Variants in PTX4 observed in about 807,000 individuals in gnomAD.
PTX4 encodes pentraxin-4.
PTX4 carries 23 observed loss-of-function variants against 19.1 expected under a neutral mutation model. That is an observed-to-expected ratio of 1.20 (90% CI 0.87 to 1.70). PTX4 has a LOEUF of 1.70. PTX4 is among the 40% of genes most tolerant of loss of function. PTX4 has a pLI of 0.00. For missense variants in PTX4, 678 were observed against 610.5 expected, an observed-to-expected ratio of 1.11 and a Z score of -1.17; for synonymous variants, 317 against 279.6, an observed-to-expected ratio of 1.13 and a Z score of -1.33.
chr16:1,486,490 C>T lies in PTX4; in HGVS notation c.886G>A (p.Ala296Thr), dbSNP rs764405723. Residue 296 changes from alanine to threonine, a missense_variant, in exon 3 of 3, where the codon GCC becomes ACC. Ala to Thr is a moderately conservative substitution (Grantham distance 58, BLOSUM62 0). Transcript: ENST00000447419. The stretch of plus-strand genomic sequence containing the variant: ...CGGACCCAGCTGCAGAAGGACAGGG[C>T]TCGCAGGGCAGTGACGAAACCAGGG... ...LSPGFVTALR[A>T]LSFCSWVRTA... is the part of the protein sequence containing the mutation. 6.2e-7 allele frequency: 1 copy of T among 1,611,550 alleles called. No individual in the cohort carries two copies. The highest frequency in any genetic ancestry group is 8.5e-7 in the Non-Finnish European group (1 of 1,178,906).
chr16:1,486,220 C>T lies in PTX4; in HGVS notation c.1156G>A (p.Gly386Ser), dbSNP rs375257612. 39 of 1,612,358 alleles carry T rather than the reference C, an allele frequency of 2.4e-5. No individual in the cohort carries two copies. In the Middle Eastern group the frequency reaches 4.9e-4, roughly 20 times the overall value. Residue 386 changes from glycine to serine, a missense_variant, in exon 3 of 3, where the codon GGC becomes AGC. By Grantham distance (56) the Gly-to-Ser change is moderately conservative. Coordinates refer to ENST00000447419, the MANE Select transcript of PTX4 (RefSeq NM_001328608.2). ...TCATAGCCCTCCCTGAAGCGGGAGC[C>T]GGTGGCCACCAGCCTGCGATCCACG... ...LHVDRRLVAT[G>S]SRFREGYEIP...
Position 1,486,216 on chromosome 16 carries a change from G to C in PTX4, c.1160C>G (p.Ser387Cys), listed in dbSNP as rs2039243849. 1.9e-6 allele frequency: 3 copies of C among 1,612,760 alleles called. No individual in the cohort carries two copies. In the African/African-American group the frequency reaches 4.0e-5, roughly 21 times the overall value. ...GATCTCATAGCCCTCCCTGAAGCGG[G>C]AGCCGGTGGCCACCAGCCTGCGATC... is the stretch of plus-strand genomic sequence containing the variant. Reference protein sequence around the residue: ...HVDRRLVATGSRFREGYEIPP... With the variant: ...HVDRRLVATGCRFREGYEIPP... Residue 387 changes from serine (S) to cysteine (C), a missense_variant, in exon 3 of 3, where the codon TCC becomes TGC. Coordinates refer to ENST00000447419, the MANE Select transcript of PTX4 (RefSeq NM_001328608.2).
Position 1,487,972 on chromosome 16 carries a change from T to G in PTX4, c.142-2A>C. The G allele has an allele frequency of 6.4e-7, 1 of 1,567,862 alleles. No homozygotes were observed. The highest frequency in any genetic ancestry group is 1.2e-5 in the South Asian group (1 of 85,098). On this transcript the variant is annotated splice_acceptor_variant, in intron 1 of 2. Transcript: ENST00000447419. LOFTEE classifies it high-confidence loss of function. Reference sequence around the variant, plus strand: ...GGTCACCTCCTGGAATCTCCGGAACTGTAAGGAGGACACGGTGATGATGGG... The same window carrying G: ...GGTCACCTCCTGGAATCTCCGGAACGGTAAGGAGGACACGGTGATGATGGG...
intron 2 of PTX4, 140 bp downstream of exon 2, chr16:1,487,175 AC>A (rs370566250): frequency 1.8e-3 from 1,374 of 743,782 alleles, no homozygotes; most frequent in South Asian, 3.4e-3. Flanking sequence ...ACGGTGGGCC[AC>A]CCCCCCCGAT....
At chr16:1,488,349 A>C (rs759441725) in intron 1 of PTX4, 2 of 1,613,544 alleles carry the variant, frequency 1.2e-6, no homozygotes, top group South Asian at 2.2e-5. Flanking sequence ...CACCCAGCGC[A>C]GGCCCGACAG....
Position 1,486,152 on chromosome 16 carries a change from G to C in PTX4, c.1224C>G (p.Asp408Glu), listed in dbSNP as rs2039242629. The C allele has an allele frequency of 6.2e-7, 1 of 1,614,144 alleles. No homozygotes were observed. The highest frequency in any genetic ancestry group is 1.3e-5 in the African/African-American group (1 of 75,060). Residue 408 changes from aspartate to glutamate, a missense_variant, in exon 3 of 3, where the codon GAC (aspartate) becomes GAG (glutamate). Physicochemically the swap from Asp to Glu is conservative, Grantham distance 45. Coordinates refer to ENST00000447419, the MANE Select transcript of PTX4 (RefSeq NM_001328608.2). ...AGCTGTCGAATCCGCCCCCCACGCT[G>C]TCTTGTTCCTGGCCCAGCACGAGGG... The part of the protein sequence containing the change: ...GGSLVLGQEQ[D>E]SVGGGFDSSE...
In PTX4 at chr16:1,486,317, C is replaced by A; in HGVS notation, c.1059G>T (p.Gln353His). Reference sequence around the variant, plus strand: ...GGTGCCACTGGCCGTCCAGCAGCAGCTGCAAGGGCAGCTCCCTGAAGGCCG... The same window carrying A: ...GGTGCCACTGGCCGTCCAGCAGCAGATGCAAGGGCAGCTCCCTGAAGGCCG... ...GDPAFRELPL[Q>H]LLLDGQWHHI... Residue 353 changes from glutamine (Q) to histidine (H), a missense_variant, in exon 3 of 3, where the codon CAG becomes CAT. By Grantham distance (24) the Gln-to-His change is conservative. Transcript: ENST00000447419. 1 of 1,613,774 alleles carries A rather than the reference C, an allele frequency of 6.2e-7. No homozygotes were observed. The highest frequency in any genetic ancestry group is 8.5e-7 in the Non-Finnish European group (1 of 1,179,980).
intron 1 of PTX4, chr16:1,488,281 T>G: frequency 4.4e-6 from 7 of 1,582,722 alleles, no homozygotes; most frequent in Non-Finnish European, 6.0e-6. Flanking sequence ...AGCTCCTGCC[T>G]GTGAGCAGGG....
chr16:1,488,739 C>G, intron 1 of PTX4, 30 bp downstream of exon 1: 1 of 667,932 alleles, frequency 1.5e-6, no homozygotes. Context: ...TTTAAAAACC[C>G]GACTGCGCCA....
Position 1,486,184 on chromosome 16 carries a change from C to T in PTX4, c.1192G>A (p.Gly398Arg), listed in dbSNP as rs200828874. 78 of 1,613,746 alleles carry T rather than the reference C, an allele frequency of 4.8e-5. No homozygotes were observed. In the Middle Eastern group the frequency reaches 8.3e-4, roughly 17 times the overall value. Residue 398 changes from glycine to arginine, a missense_variant, in exon 3 of 3, where the codon GGA (glycine) becomes AGA (arginine). Physicochemically the swap from Gly to Arg is moderately radical, Grantham distance 125. Transcript: ENST00000447419. Reference protein sequence around the residue: ...RFREGYEIPPGGSLVLGQEQD... With the variant: ...RFREGYEIPPRGSLVLGQEQD... Reference sequence around the variant, plus strand: ...TCCTGGCCCAGCACGAGGGACCCTCCGGGGGGGATCTCATAGCCCTCCCTG... The same window carrying T: ...TCCTGGCCCAGCACGAGGGACCCTCTGGGGGGGATCTCATAGCCCTCCCTG...
chr16:1,488,314 T>A (rs749798270), intron 1 of PTX4: 4 of 1,607,540 alleles, frequency 2.5e-6, no homozygotes, highest in Non-Finnish European at 2.6e-6. Flanking sequence ...GCCTCATGAG[T>A]GCTTTACGAG....
rs202194642 is a variant in PTX4 at position 1,486,355 on chromosome 16, C to T, written c.1021G>A (p.Val341Met). 3.8e-5 allele frequency: 61 copies of T among 1,613,932 alleles called. No homozygotes were observed. The East Asian group carries it at 9.8e-4, about 26-fold the overall frequency. Residue 341 changes from valine (V) to methionine (M), a missense_variant, in exon 3 of 3, where the codon GTG (valine) becomes ATG (methionine). Transcript: ENST00000447419. ...TCCCTGAAGGCCGGGTCCCCGATCACGAAGTGGATGGATCCGGGCAGCAGG... is the reference window on the plus strand; with the variant it reads ...TCCCTGAAGGCCGGGTCCCCGATCATGAAGTGGATGGATCCGGGCAGCAGG... The part of the protein sequence containing the change: ...DSLLPGSIHF[V>M]IGDPAFRELP...
In PTX4 at chr16:1,485,954, C is replaced by A; in HGVS notation, c.1422G>T (p.Leu474=). The change falls in exon 3 of 3, where the codon CTG becomes CTT. Residue 474 remains leucine, a synonymous_variant. Transcript: ENST00000447419. ...CGGCTCGGCCTCAGGGACAGCGTTC[C>A]AGGCAGGTGCAGTTGGCCCCCTGCA... ...GFVQGANCTC[L]ERCP 1 of 1,606,664 alleles carries A rather than the reference C, an allele frequency of 6.2e-7. No homozygotes were observed. The highest frequency in any genetic ancestry group is 8.5e-7 in the Non-Finnish European group (1 of 1,178,144).
In PTX4 at chr16:1,487,814, C is replaced by G; in HGVS notation, c.298G>C (p.Glu100Gln). The change falls in exon 2 of 3, where the codon GAG becomes CAG. Residue 100 changes from glutamate (E) to glutamine (Q), a missense_variant. Transcript: ENST00000447419. ...VNRSQASVQG[E>Q]LAQLKAWVRK... The stretch of plus-strand genomic sequence containing the variant: ...ACCCAGGCCTTGAGCTGCGCCAGCT[C>G]CCCCTGCACCGAGGCCTGTGACCGG... 1 of 1,613,104 alleles carries G rather than the reference C, an allele frequency of 6.2e-7. No homozygotes were observed. Among genetic ancestry groups the G allele is most frequent in the Non-Finnish European group, 8.5e-7 (1 of 1,179,918 alleles).
Position 1,488,934 on chromosome 16 carries a change from A to C in PTX4, c.-25T>G, listed in dbSNP as rs1476010902. ...TCCGGAGAGACGGCAAGGCCCCAGC[A>C]GTCTCCCTCCAGCCGCAGGAGAGGG... On this transcript the variant is annotated 5_prime_UTR_variant, in exon 1 of 3. Transcript: ENST00000447419. The C allele has an allele frequency of 1.5e-5, 10 of 683,138 alleles. No homozygotes were observed. The highest frequency in any genetic ancestry group is 1.9e-5 in the Non-Finnish European group (7 of 371,362). 42.3% of individuals were successfully genotyped at this position (683,138 alleles called of 1,614,324 possible). A position where few individuals can be genotyped will look rare whatever the true frequency, so the allele number is the denominator to read the frequency against.
At chr16:1,486,813 G>A (rs920765541) in intron 2 of PTX4, among the ~76,000 whole-genome samples, 1 of 152,190 alleles carries the variant, frequency 6.6e-6, no homozygotes, top group African/African-American at 2.4e-5. Flanking sequence ...CTCGGGAGTG[G>A]CGGGGTCCTG....
chr16:1,487,254 GC>G (rs1170753323), intron 2 of PTX4, 61 bp downstream of exon 2: 3 of 1,402,432 alleles, frequency 2.1e-6, no homozygotes, highest in Admixed American at 5.4e-5. Context: ...TTTCCAGGGG[GC>G]CTGGTCTAAG....
In PTX4 at chr16:1,487,649, C is replaced by A; in HGVS notation, c.463G>T (p.Ala155Ser). 6.3e-7 allele frequency: 1 copy of A among 1,586,634 alleles called. No homozygotes were observed. The highest frequency in any genetic ancestry group is 8.6e-7 in the Non-Finnish European group (1 of 1,162,764). Residue 155 changes from alanine (A) to serine (S), a missense_variant, in exon 2 of 3, where the codon GCA (alanine) becomes TCA (serine). Transcript: ENST00000447419. ...AQRDALQDSLARLEGLVHSQG... is the reference protein window; with the variant it reads ...AQRDALQDSLSRLEGLVHSQG... ...CTGTGGACGAGGCCCTCCAGGCGTG[C>A]CAGTGAGTCCTGCAGGGCGTCCCTC...
intron 1 of PTX4, 71 bp from the exon 2 acceptor site, chr16:1,488,041 C>T: frequency 4.1e-6 from 6 of 1,463,752 alleles, no homozygotes; most frequent in Non-Finnish European, 4.6e-6. Flanking sequence ...AAAGGCTTTG[C>T]CCTCTCAAGT....
Sources: allele counts gnomAD v4.1 joint callset (sites outside exome capture counted in the v4.1 genomes callset), GRCh38; gene constraint gnomAD v4.1.1; transcripts MANE v1.5; gene names NCBI Gene and HGNC (gene_info 2026-07-23, HGNC 2026-07-21).